Variants in SLC26A5 observed in about 807,000 individuals in gnomAD.
SLC26A5 encodes the protein solute carrier family 26 member 5.
In SLC26A5, 51 loss-of-function variants were observed where a neutral mutation model predicts 81.0. The observed-to-expected ratio is 0.63, with a 90% CI of 0.50 to 0.80. The LOEUF (loss-of-function observed/expected upper bound fraction) is 0.80, where lower values mean the gene tolerates loss of function less well. Ranked by LOEUF, SLC26A5 falls within the 30% of genes least tolerant of loss-of-function variation. SLC26A5 has a pLI of 0.00. For synonymous variants in SLC26A5, 325 were observed against 332.8 expected (o/e 0.98, Z 0.25); for missense variants, 771 against 905.8 (o/e 0.85, Z 1.91).
chr7:103,365,720 G>C (rs998328191), intron 19 of SLC26A5, among the ~76,000 whole-genome samples: 5 of 152,046 alleles, frequency 3.3e-5, no homozygotes, highest in Admixed American at 2.6e-4. Context: ...ATGAGGTCAG[G>C]AGTTCAATGC....
chr7:103,354,970 A>T (rs768512763), intron 19 of SLC26A5: 3 of 1,480,648 alleles, frequency 2.0e-6, no homozygotes, highest in Non-Finnish European at 2.8e-6. Context: ...TTAAATTCCC[A>T]TTTCCTTCCT....
rs183162047 is a variant in SLC26A5 at position 103,421,255 on chromosome 7, A to C, written c.152+108T>G. On this transcript the variant is annotated intron_variant, in intron 3 of 19. Coordinates refer to ENST00000306312, the MANE Select transcript of SLC26A5 (RefSeq NM_198999.3). The stretch of plus-strand genomic sequence containing the variant: ...GCTTTGCAAACCATGATGGCTCAGC[A>C]TTCATTTTTCTCTCCACTTCACCAA... The C allele has an allele frequency of 2.6e-5, 32 of 1,242,364 alleles. No homozygotes were observed. The East Asian group carries it at 7.3e-4, about 28-fold the overall frequency. 77.0% of individuals were successfully genotyped at this position (1,242,364 alleles called of 1,614,324 possible).
At chr7:103,437,435 A>T (rs1417421965) in intron 2 of SLC26A5, among the ~76,000 whole-genome samples, 2 of 152,210 alleles carry the variant, frequency 1.3e-5, no homozygotes, top group East Asian at 3.8e-4. Flanking sequence ...TTCTGGGTAT[A>T]TATCCAAAGG....
Position 103,390,504 on chromosome 7 carries a change from A to G in SLC26A5, c.1236T>C (p.Leu412=). 6.2e-7 allele frequency: 1 copy of G among 1,613,966 alleles called. No homozygotes were observed. The highest frequency in any genetic ancestry group is 8.5e-7 in the Non-Finnish European group (1 of 1,179,844). The part of the protein sequence containing the change: ...VQEGTGGKTQ[L]AGCLASLMIL... ...TCATTAATGAGGCCAAACAACCTGC[A>G]AGCTGAATGAGAGAAGACACATGGA... Residue 412 remains leucine (L), a splice_region_variant and synonymous_variant, in exon 12 of 20, where the codon CTT becomes CTC. Transcript: ENST00000306312.
chr7:103,396,774 T>G (rs974228870), intron 9 of SLC26A5, among the ~76,000 whole-genome samples: 1 of 152,128 alleles, frequency 6.6e-6, no homozygotes, highest in African/African-American at 2.4e-5. Flanking sequence ...GGGATATATT[T>G]AACACTACTG....
rs762004358 is a variant in SLC26A5, at chr7:103,374,555, A to G, written c.2079T>C (p.Phe693=). The stretch of plus-strand genomic sequence containing the variant: ...GCAGCTCCCATAGGGCAGGATTTTC[A>G]AAAAATCTATTCCGAGTGAGGTCAT... The part of the protein sequence containing the change: ...VVNDLTRNRF[F]ENPALWELLF... The change falls in exon 20 of 20, where the codon TTT becomes TTC. Residue 693 remains phenylalanine (F), a synonymous_variant. Transcript: ENST00000306312. 107 of 1,614,102 alleles carry G rather than the reference A, an allele frequency of 6.6e-5. No individual in the cohort carries two copies. The Middle Eastern group carries it at 2.2e-3, about 33-fold the overall frequency.
intron 1 of SLC26A5, among the ~76,000 whole-genome samples, chr7:103,444,017 G>T (rs1035314142): frequency 4.6e-5 from 7 of 152,150 alleles, no homozygotes; most frequent in Admixed American, 1.3e-4. Flanking sequence ...GTTTTCAAGG[G>T]TGAAGGTGGG....
At chr7:103,432,545 T>C (rs770807170) in intron 2 of SLC26A5, among the ~76,000 whole-genome samples, 10 of 152,222 alleles carry the variant, frequency 6.6e-5, no homozygotes, top group Non-Finnish European at 1.3e-4. Context: ...TTCATTTCTA[T>C]ACTTTTTGAA....
chr7:103,438,752 T>C (rs1337724239), intron 2 of SLC26A5, among the ~76,000 whole-genome samples: 1 of 152,194 alleles, frequency 6.6e-6, no homozygotes, highest in Non-Finnish European at 1.5e-5. Flanking sequence ...AATCTTTCAT[T>C]ATCTAGAAAT....
At chr7:103,375,245 G>A (rs189303995) in intron 19 of SLC26A5, among the ~76,000 whole-genome samples, 1 of 151,238 alleles carries the variant, frequency 6.6e-6, no homozygotes, top group Non-Finnish European at 1.5e-5. Context: ...CTATTGTATA[G>A]ATGTCCCTAG....
chr7:103,379,207 C>A (rs1397746959), intron 16 of SLC26A5, 36 bp downstream of exon 16: 1 of 1,459,964 alleles, frequency 6.8e-7, no homozygotes, highest in Admixed American at 1.7e-5. Flanking sequence ...ACCCACAAAT[C>A]CCATCCTCAG....
At chr7:103,444,454 A>C (rs868108021) in intron 1 of SLC26A5, among the ~76,000 whole-genome samples, 5 of 152,252 alleles carry the variant, frequency 3.3e-5, no homozygotes, top group African/African-American at 1.2e-4. Flanking sequence ...TGAAAACTCA[A>C]CTGACTTTGA....
chr7:103,383,161 C>T (rs776274965), intron 14 of SLC26A5, among the ~76,000 whole-genome samples: 3 of 152,134 alleles, frequency 2.0e-5, no homozygotes, highest in Non-Finnish European at 4.4e-5. Flanking sequence ...AGATAAGGGG[C>T]TAAGGCTCTC....
chr7:103,406,867 G>A (rs188964939), intron 8 of SLC26A5, among the ~76,000 whole-genome samples: 1 of 152,232 alleles, frequency 6.6e-6, no homozygotes, highest in Non-Finnish European at 1.5e-5. Flanking sequence ...TAGCCAGGCT[G>A]GCCTCGAACT....
chr7:103,418,416 G>A (rs1214923900), intron 4 of SLC26A5, among the ~76,000 whole-genome samples: 1 of 152,146 alleles, frequency 6.6e-6, no homozygotes, highest in Non-Finnish European at 1.5e-5. Flanking sequence ...AGTCATTCCT[G>A]CAGCTCCGTC....
intron 2 of SLC26A5, chr7:103,433,699 C>CTT (rs1826243040): frequency 1.4e-5 from 2 of 139,318 alleles, no homozygotes; most frequent in African/African-American, 5.8e-5. Flanking sequence ...ATTTTTTTTT[C>CTT]TTTCTTTTTT....
chr7:103,439,385 C>T lies in SLC26A5; in HGVS notation c.-54+3698G>A, dbSNP rs567517972. On this transcript the variant is annotated intron_variant, in intron 2 of 19. Coordinates refer to ENST00000306312, the MANE Select transcript of SLC26A5 (RefSeq NM_198999.3). ...CATCTTCACATCACCTTACAAGTATCCCACTGAAAAGGGGCCCTGTGTGAT... is the reference window on the plus strand; with the variant it reads ...CATCTTCACATCACCTTACAAGTATTCCACTGAAAAGGGGCCCTGTGTGAT... Among the ~76,000 whole-genome samples the T allele has an allele frequency of 4.5e-4, 69 of 152,302 alleles. No homozygotes were observed. In the South Asian group the frequency reaches 0.014, roughly 31 times the overall value.
intron 14 of SLC26A5, among the ~76,000 whole-genome samples, chr7:103,382,525 T>C (rs191727996): frequency 2.6e-5 from 4 of 151,856 alleles, no homozygotes; most frequent in Non-Finnish European, 4.4e-5. Flanking sequence ...AATTTTTGTA[T>C]TTTTAATAGA....
intron 4 of SLC26A5, among the ~76,000 whole-genome samples, chr7:103,418,605 T>C (rs999299201): frequency 6.6e-6 from 1 of 152,212 alleles, no homozygotes; most frequent in South Asian, 2.1e-4. Context: ...AGATTTTGTA[T>C]AATAGATTTA....
Sources: allele counts gnomAD v4.1 joint callset (sites outside exome capture counted in the v4.1 genomes callset), GRCh38; gene constraint gnomAD v4.1.1; transcripts MANE v1.5; gene names NCBI Gene and HGNC (gene_info 2026-07-23, HGNC 2026-07-21).